The following NFATC2 variants were observed in gnomAD, a reference collection of about 807,000 sequenced individuals.
NFATC2 encodes nuclear factor of activated T-cells, cytoplasmic 2.
NFATC2 carries 22 observed loss-of-function variants against 87.3 expected under a neutral mutation model. The ratio of observed to expected loss-of-function variants is 0.25; its 90% confidence interval spans 0.18 to 0.36. The LOEUF is 0.36. Among genes scored for constraint, NFATC2 ranks in the 10% least tolerant of loss-of-function variants. The probability of loss-of-function intolerance (pLI) is 1.00; values close to 1 mark genes in which losing one functional copy is unlikely to be tolerated. For missense variants in NFATC2, 1,149 were observed against 1,259.1 expected (o/e 0.91, Z 1.32); for synonymous variants, 565 against 542.2 (o/e 1.04, Z -0.58).
intron 3 of NFATC2, among the ~76,000 whole-genome samples, chr20:51,505,870 G>A (rs570301585): frequency 6.6e-6 from 1 of 152,304 alleles, no homozygotes; most frequent in South Asian, 2.1e-4. Flanking sequence ...GTCGCGGCAT[G>A]AAACTAAAGC....
At chr20:51,426,344 G>A (rs1981827802) in intron 9 of NFATC2, among the ~76,000 whole-genome samples, 1 of 152,136 alleles carries the variant, frequency 6.6e-6, no homozygotes, top group Non-Finnish European at 1.5e-5. Context: ...CAGGCGTGCT[G>A]GCAGGCACCT....
chr20:51,463,000 T>C (rs1359011011), intron 5 of NFATC2, among the ~76,000 whole-genome samples: 1 of 152,262 alleles, frequency 6.6e-6, no homozygotes, highest in Non-Finnish European at 1.5e-5. Context: ...GTCATCGTTC[T>C]GGCCCGAGCA....
intron 1 of NFATC2, among the ~76,000 whole-genome samples, chr20:51,560,302 G>T (rs1220499428): frequency 6.6e-6 from 1 of 152,194 alleles, no homozygotes; most frequent in East Asian, 1.9e-4. Context: ...ACACAGTTGT[G>T]ATGTGGCCAA....
chr20:51,394,716 C>T (rs547491123), intron 10 of NFATC2, among the ~76,000 whole-genome samples: 25 of 140,052 alleles, frequency 1.8e-4, no homozygotes, highest in Admixed American at 4.0e-4. Flanking sequence ...CAGGATTGTC[C>T]TCCCCAAGTC....
At chr20:51,450,556 A>T (rs1221969365) in intron 6 of NFATC2, among the ~76,000 whole-genome samples, 1 of 152,218 alleles carries the variant, frequency 6.6e-6, no homozygotes, top group East Asian at 1.9e-4. Context: ...CATGCTGCTT[A>T]TTTACATATT....
intron 10 of NFATC2, among the ~76,000 whole-genome samples, chr20:51,393,095 A>G (rs189148081): frequency 8.9e-4 from 135 of 152,292 alleles, no homozygotes; most frequent in Middle Eastern, 6.8e-3. Flanking sequence ...TAAAATCCCC[A>G]TGCTTCATGT....
chr20:51,454,755 T>C, intron 5 of NFATC2, 67 bp from the exon 6 acceptor site: 1 of 1,569,898 alleles, frequency 6.4e-7, no homozygotes. Context: ...GGAGGTCTGA[T>C]TTCATGGTAC....
At chr20:51,435,119 T>C (rs533484881) in intron 8 of NFATC2, 69 bp downstream of exon 8, 2 of 1,582,456 alleles carry the variant, frequency 1.3e-6, no homozygotes, top group Non-Finnish European at 1.7e-6. Context: ...GGAGCAGACT[T>C]CAGGAGTCCT....
At chr20:51,561,468 AAAGAAAGAAAGAAAGAAAGC>A (rs1459933443) in intron 1 of NFATC2, among the ~76,000 whole-genome samples, 340 of 137,512 alleles carry the variant, frequency 2.5e-3, no homozygotes, top group African/African-American at 3.1e-3. Flanking sequence ...AGAAAGAAAG[AAAGAAAGAAAGAAAGAAAGC>A]AAGCAAGCAA....
intron 3 of NFATC2, among the ~76,000 whole-genome samples, chr20:51,477,949 T>C (rs1435484475): frequency 6.6e-6 from 1 of 152,246 alleles, no homozygotes; most frequent in African/African-American, 2.4e-5. Flanking sequence ...AGAAGCCACA[T>C]GTGGCTAGTG....
chr20:51,420,326 C>T lies in NFATC2; in HGVS notation c.2722+11741G>A, dbSNP rs181180925. The stretch of plus-strand genomic sequence containing the variant: ...AGACAGGCAACCCAACTCCACGTAC[C>T]TCCTGTCAGAAGGATGTGTCATCAC... On this transcript the variant is annotated intron_variant, in intron 9 of 10. Transcript: ENST00000371564. Among the ~76,000 whole-genome samples, 261 of 152,296 alleles carry T rather than the reference C, an allele frequency of 1.7e-3. 2 individuals are homozygous for T. Among genetic ancestry groups the T allele is most frequent in the Non-Finnish European group, 2.1e-3 (144 of 68,016 alleles).
At chr20:51,413,479 C>T (rs756696823) in intron 9 of NFATC2, among the ~76,000 whole-genome samples, 14 of 152,220 alleles carry the variant, frequency 9.2e-5, no homozygotes, top group South Asian at 2.1e-4. Flanking sequence ...CCTAAAGAGG[C>T]GGGGTGTGGC....
At chr20:51,452,652 C>T (rs781743615) in intron 6 of NFATC2, among the ~76,000 whole-genome samples, 74 of 152,322 alleles carry the variant, frequency 4.9e-4, no homozygotes, top group African/African-American at 1.7e-3. Context: ...AACCTCATCC[C>T]CACACAGACC....
chr20:51,428,362 G>A (rs996832493), intron 9 of NFATC2, among the ~76,000 whole-genome samples: 2 of 152,202 alleles, frequency 1.3e-5, no homozygotes, highest in African/African-American at 4.8e-5. Context: ...GGAGAAACAC[G>A]GGGCTCAGGG....
At chr20:51,540,647 G>GTTTTTTTGTTTTTTTTTTTTTTTTTTTT (rs2076793412) in intron 1 of NFATC2, among the ~76,000 whole-genome samples, 1 of 112,974 alleles carries the variant, frequency 8.9e-6, no homozygotes, top group African/African-American at 4.4e-5. Context: ...AAAAACTGAA[G>GTTTTTTTGTTTTTTTTTTTTTTTTTTTT]TTTTTTTTTT....
At chr20:51,512,563 T>C (rs1039438530) in intron 3 of NFATC2, among the ~76,000 whole-genome samples, 2 of 152,096 alleles carry the variant, frequency 1.3e-5, no homozygotes, top group African/African-American at 4.8e-5. Context: ...GAACAAACTT[T>C]CTCCCAAGAC....
At chr20:51,441,717 C>CAAA (rs11474273) in intron 6 of NFATC2, among the ~76,000 whole-genome samples, 3,561 of 119,884 alleles carry the variant, frequency 0.03, 161 homozygotes, top group African/African-American at 0.076. Flanking sequence ...AACTCCATCT[C>CAAA]AAAAAAAAAA....
intron 3 of NFATC2, among the ~76,000 whole-genome samples, chr20:51,512,768 T>C (rs1264996650): frequency 6.6e-6 from 1 of 151,654 alleles, no homozygotes; most frequent in African/African-American, 2.4e-5. Flanking sequence ...GAGAGAAGGG[T>C]GGAGACTGAG....
intron 3 of NFATC2, among the ~76,000 whole-genome samples, chr20:51,508,462 T>C (rs1187103827): frequency 6.6e-6 from 1 of 152,078 alleles, no homozygotes; most frequent in Non-Finnish European, 1.5e-5. Context: ...GTTTGGACTG[T>C]AGTCTTTTTC....
Sources: gnomAD v4.1 joint callset for allele counts (sites outside exome capture counted in the v4.1 genomes callset) on GRCh38, gnomAD v4.1.1 for gene constraint, MANE v1.5 for transcripts, NCBI Gene and HGNC (gene_info 2026-07-23, HGNC 2026-07-21) for gene names.